The following ACTN2 variants were observed in gnomAD, a reference collection of about 807,000 sequenced individuals.
ACTN2 encodes the protein actinin alpha 2.
A neutral mutation model predicts 113.8 loss-of-function variants in ACTN2; 39 were observed. That is an observed-to-expected ratio of 0.34 (90% CI 0.27 to 0.45). ACTN2 has a LOEUF of 0.45. Ranked by LOEUF, ACTN2 falls within the 20% of genes least tolerant of loss-of-function variation. ACTN2 has a pLI of 1.00. For missense variants in ACTN2, 992 were observed against 1,177.9 expected, an observed-to-expected ratio of 0.84 and a Z score of 2.31; for synonymous variants, 429 against 444.1, an observed-to-expected ratio of 0.97 and a Z score of 0.43.
chr1:236,722,988 G>C (rs2102900619), intron 4 of ACTN2, among the ~76,000 whole-genome samples: 2 of 152,306 alleles, frequency 1.3e-5, no homozygotes, highest in East Asian at 3.9e-4. Flanking sequence ...ATTGAAGAAG[G>C]AAAAAGCCTT....
chr1:236,754,157 A>T lies in ACTN2; in HGVS notation c.1974+76A>T. On this transcript the variant is annotated intron_variant, in intron 16 of 20. Transcript: ENST00000366578. This position sits in a 1 kb window ranked among gnomAD's most constrained non-coding sequence, Gnocchi z 4.9. ...TTTAGCCACGCAGCAGTGACACCGC[A>T]CATGCTGTGGTTTCCAGCCACCCAC... 6.3e-7 allele frequency: 1 copy of T among 1,580,888 alleles called. No homozygotes were observed. Among genetic ancestry groups the T allele is most frequent in the East Asian group, 2.2e-5 (1 of 44,744 alleles).
intron 13 of ACTN2, among the ~76,000 whole-genome samples, chr1:236,748,312 C>T (rs1341621187): frequency 1.3e-5 from 2 of 152,094 alleles, no homozygotes; most frequent in African/African-American, 2.4e-5. Flanking sequence ...TTACCAGTTC[C>T]CTGAGTCTTT....
chr1:236,686,534 C>G lies in ACTN2; in HGVS notation c.-140C>G. 2.0e-6 allele frequency: 2 copies of G among 991,542 alleles called. No individual in the cohort carries two copies. The highest frequency in any genetic ancestry group is 2.9e-5 in the South Asian group (1 of 34,066). 61.4% of individuals were successfully genotyped at this position (991,542 alleles called of 1,614,324 possible). On this transcript the variant is annotated 5_prime_UTR_variant, in exon 1 of 21. Coordinates refer to ENST00000366578, the MANE Select transcript of ACTN2 (RefSeq NM_001103.4). ...CTTCGCCCGAGACCCAGCGCCCAGG[C>G]GTGTCGCCCCGAGAGGAGCCGCGCG...
rs1659330346 is a variant in ACTN2, at chr1:236,749,409, C to T, written c.1656+145C>T. On this transcript the variant is annotated intron_variant, in intron 14 of 20. Coordinates refer to ENST00000366578, the MANE Select transcript of ACTN2 (RefSeq NM_001103.4). ...TAGAAAGCCCAAATTACCCTTGAAC[C>T]TTAGCTTAAAAATGTGTTTAGTACT... 11 of 1,041,554 alleles carry T rather than the reference C, an allele frequency of 1.1e-5. No homozygotes were observed. In the South Asian group the frequency reaches 1.6e-4, roughly 15 times the overall value. The allele number at this position is 1,041,554 out of a possible 1,614,324, so 64.5% of individuals were successfully genotyped here.
chr1:236,761,542 T>C (rs989157404), intron 20 of ACTN2, among the ~76,000 whole-genome samples: 1 of 152,158 alleles, frequency 6.6e-6, no homozygotes, highest in African/African-American at 2.4e-5. Context: ...GCAATTTAGA[T>C]GTTATAAAAC....
At chr1:236,700,518 A>G (rs1657641565) in intron 1 of ACTN2, among the ~76,000 whole-genome samples, 1 of 152,188 alleles carries the variant, frequency 6.6e-6, no homozygotes, top group African/African-American at 2.4e-5. Context: ...TGTGTGAGGC[A>G]CAGCCCTCTC....
At chr1:236,728,567 T>C (rs952703189) in intron 6 of ACTN2, among the ~76,000 whole-genome samples, 2 of 152,226 alleles carry the variant, frequency 1.3e-5, no homozygotes, top group Non-Finnish European at 2.9e-5. Flanking sequence ...GTCTTGTTAT[T>C]GTTAGAAAAT....
chr1:236,747,837 A>G lies in ACTN2; in HGVS notation c.1515+62A>G, dbSNP rs10925211. 99,645 of 1,243,812 alleles carry G rather than the reference A, an allele frequency of 0.08. 4,813 individuals are homozygous for G. Among genetic ancestry groups the G allele is most frequent in the Admixed American group, 0.17 (8,606 of 52,126 alleles). 77.0% of individuals were successfully genotyped at this position (1,243,812 alleles called of 1,614,324 possible). ...TTAATAGAAGCTCTTTAATTAAATC[A>G]CTGGTATTCATTGTGTGTTTCTCTG... On this transcript the variant is annotated intron_variant, in intron 13 of 20. Transcript: ENST00000366578.
chr1:236,693,118 G>T (rs1657325171), intron 1 of ACTN2, among the ~76,000 whole-genome samples: 2 of 151,834 alleles, frequency 1.3e-5, no homozygotes, highest in Non-Finnish European at 2.9e-5. Context: ...TTAAGTGCAA[G>T]AATTTGGCCT....
At chr1:236,710,718 G>A (rs562471245) in intron 1 of ACTN2, among the ~76,000 whole-genome samples, 2 of 152,160 alleles carry the variant, frequency 1.3e-5, no homozygotes, top group Non-Finnish European at 2.9e-5. Flanking sequence ...CCCATTGCCC[G>A]AATTACCACC....
At chr1:236,709,377 T>C (rs1264946100) in intron 1 of ACTN2, among the ~76,000 whole-genome samples, 1 of 147,610 alleles carries the variant, frequency 6.8e-6, no homozygotes, top group African/African-American at 2.5e-5. Flanking sequence ...TGTATATATA[T>C]ATATGTATGT....
chr1:236,739,616 G>A lies in ACTN2; in HGVS notation c.1107+84G>A. On this transcript the variant is annotated intron_variant, in intron 10 of 20. Coordinates refer to ENST00000366578, the MANE Select transcript of ACTN2 (RefSeq NM_001103.4). ...GGCGTTTGACCTGGGTCAGGAGGAG[G>A]CATTGACTTCTTGAATCTTTTTAGT... 3.4e-6 allele frequency: 5 copies of A among 1,470,960 alleles called. No individual in the cohort carries two copies. The South Asian group carries it at 3.5e-5, about 10-fold the overall frequency. The allele number at this position is 1,470,960 out of a possible 1,614,324, so 91.1% of individuals were successfully genotyped here. A position where few individuals can be genotyped will look rare whatever the true frequency, so the allele number is the denominator to read the frequency against.
intron 15 of ACTN2, among the ~76,000 whole-genome samples, chr1:236,752,722 T>C (rs984134232): frequency 6.6e-6 from 1 of 152,012 alleles, no homozygotes; most frequent in Non-Finnish European, 1.5e-5. Context: ...TGGCTAATTT[T>C]TTATATTTTT....
chr1:236,743,718 A>G (rs1659142543), intron 11 of ACTN2, among the ~76,000 whole-genome samples: 1 of 152,024 alleles, frequency 6.6e-6, no homozygotes, highest in African/African-American at 2.4e-5. Flanking sequence ...TTGTTGCTTG[A>G]TTTTTAATAT....
At chr1:236,746,831 A>G (rs1482611007) in intron 12 of ACTN2, among the ~76,000 whole-genome samples, 3 of 152,184 alleles carry the variant, frequency 2.0e-5, no homozygotes, top group Admixed American at 6.5e-5. Context: ...TTGTCACTCT[A>G]GTGGCATTAG....
Position 236,751,541 on chromosome 1 carries a change from G to A in ACTN2, c.1728G>A (p.Met576Ile), listed in dbSNP as rs1572143357. 1 of 1,614,080 alleles carries A rather than the reference G, an allele frequency of 6.2e-7. No homozygotes were observed. The highest frequency in any genetic ancestry group is 8.5e-7 in the Non-Finnish European group (1 of 1,180,004). ...PEADGERQSI[M>I]AIQNEVEKVI... ...CGGACGGAGAGCGGCAGTCCATCATGGCCATCCAGAACGAGGTGGAGAAGG... is the reference window on the plus strand; with the variant it reads ...CGGACGGAGAGCGGCAGTCCATCATAGCCATCCAGAACGAGGTGGAGAAGG... The change falls in exon 15 of 21, where the codon ATG becomes ATA. Residue 576 changes from methionine (M) to isoleucine (I), a missense_variant. Physicochemically the swap from Met to Ile is conservative, Grantham distance 10 (BLOSUM62 1). Coordinates refer to ENST00000366578, the MANE Select transcript of ACTN2 (RefSeq NM_001103.4).
intron 1 of ACTN2, among the ~76,000 whole-genome samples, chr1:236,691,670 G>A (rs707218): frequency 1 from 152,094 of 152,280 alleles, 75,956 homozygotes; most frequent in Middle Eastern, 1. Context: ...AATAAGTGTA[G>A]TATAATAAGT....
intron 1 of ACTN2, among the ~76,000 whole-genome samples, chr1:236,696,247 A>G (rs548372264): frequency 6.6e-6 from 1 of 151,240 alleles, no homozygotes; most frequent in South Asian, 2.1e-4. Flanking sequence ...AGTGAGCTGC[A>G]CTCACAGCTG....
At chr1:236,742,116 G>T (rs1339840545) in intron 10 of ACTN2, among the ~76,000 whole-genome samples, 1 of 152,092 alleles carries the variant, frequency 6.6e-6, no homozygotes, top group Non-Finnish European at 1.5e-5. Flanking sequence ...CCTCGGAGGG[G>T]TCTTCTGTAA....
Sources: gnomAD v4.1 joint callset for allele counts (sites outside exome capture counted in the v4.1 genomes callset) on GRCh38, gnomAD v4.1.1 for gene constraint, Gnocchi (gnomAD v3.1) non-coding constraint, MANE v1.5 for transcripts, NCBI Gene and HGNC (gene_info 2026-07-23, HGNC 2026-07-21) for gene names.